CRTAC1: variants seen among roughly 807,000 people sequenced by gnomAD.
CRTAC1 encodes acidic secreted protein in cartilage.
In CRTAC1, 37 loss-of-function variants were observed where a neutral mutation model predicts 67.8. The observed-to-expected ratio is 0.55, with a 90% CI of 0.42 to 0.72. The LOEUF (loss-of-function observed/expected upper bound fraction) is 0.72. CRTAC1 is among the 30% of genes least tolerant of loss of function. The probability of loss-of-function intolerance (pLI) is 0.00; values close to 1 mark genes in which losing one functional copy is unlikely to be tolerated. For synonymous variants in CRTAC1, 348 were observed against 371.0 expected (o/e 0.94, Z 0.71); for missense variants, 780 against 931.6 (o/e 0.84, Z 2.12).
At chr10:97,910,803 G>A (rs922793782) in intron 5 of CRTAC1, among the ~76,000 whole-genome samples, 1 of 152,268 alleles carries the variant, frequency 6.6e-6, no homozygotes, top group Admixed American at 6.5e-5. Flanking sequence ...TGGGGCGATG[G>A]CACTGCCACT....
At chr10:98,013,605 T>C (rs917012980) in intron 1 of CRTAC1, among the ~76,000 whole-genome samples, 1 of 152,208 alleles carries the variant, frequency 6.6e-6, no homozygotes, top group Non-Finnish European at 1.5e-5. Context: ...GGGTCTCAGC[T>C]TTCTTCTCCA....
intron 2 of CRTAC1, among the ~76,000 whole-genome samples, chr10:98,010,361 A>G (rs761057247): frequency 3.9e-5 from 6 of 152,222 alleles, no homozygotes; most frequent in African/African-American, 7.2e-5. Flanking sequence ...ATAATTATCA[A>G]TGGTGATTGG....
intron 2 of CRTAC1, among the ~76,000 whole-genome samples, chr10:97,990,254 C>G (rs548134252): frequency 1.3e-5 from 2 of 152,186 alleles, no homozygotes; most frequent in Non-Finnish European, 2.9e-5. Flanking sequence ...TTACTCCTAC[C>G]TGCTTGGCTT....
chr10:97,886,849 T>C (rs535810470), intron 11 of CRTAC1, among the ~76,000 whole-genome samples: 1 of 152,192 alleles, frequency 6.6e-6, no homozygotes, highest in African/African-American at 2.4e-5. Context: ...TTCGCCATGC[T>C]GGCCAGGCTG....
chr10:97,893,858 T>C (rs375107475), intron 11 of CRTAC1, among the ~76,000 whole-genome samples: 1 of 152,222 alleles, frequency 6.6e-6, no homozygotes, highest in African/African-American at 2.4e-5. Context: ...ACGTGACTTT[T>C]GGAGATGAGC....
At position 97,975,038 on chromosome 10, in the gene CRTAC1, C is replaced by T. The variant is rs1590254562; in HGVS notation, c.224+36100G>A. ...CCGCGGGAGGAGGCCGGAGCGCGGGCAGGGACTGGCGCGGGATCGATTCCC... is the reference window on the plus strand; with the variant it reads ...CCGCGGGAGGAGGCCGGAGCGCGGGTAGGGACTGGCGCGGGATCGATTCCC... On this transcript the variant is annotated intron_variant, in intron 2 of 14. Coordinates refer to ENST00000370597, the MANE Select transcript of CRTAC1 (RefSeq NM_018058.7). This position sits in a 1 kb window ranked among gnomAD's most constrained non-coding sequence, Gnocchi z 4.8. Among the ~76,000 whole-genome samples, 2 of 152,056 alleles carry T rather than the reference C, an allele frequency of 1.3e-5. No homozygotes were observed. Among genetic ancestry groups the T allele is most frequent in the South Asian group, 4.2e-4 (2 of 4,808 alleles).
Position 97,975,234 on chromosome 10 carries a change from C to T in CRTAC1, c.224+35904G>A, listed in dbSNP as rs1035171008. ...TAACACAAAATGCTCTTGGCTCAAT[C>T]CCAGGTCGCAGAGGGACCCGGGGCC... On this transcript the variant is annotated intron_variant, in intron 2 of 14. Transcript: ENST00000370597. This position sits in a 1 kb window ranked among gnomAD's most constrained non-coding sequence, Gnocchi z 4.8. 3.3e-5 allele frequency among the ~76,000 whole-genome samples: 5 copies of T among 152,112 alleles called. No homozygotes were observed. Among genetic ancestry groups the T allele is most frequent in the Non-Finnish European group, 7.4e-5 (5 of 68,010 alleles).
chr10:97,966,136 T>C (rs1258320701), intron 2 of CRTAC1, among the ~76,000 whole-genome samples: 50 of 152,246 alleles, frequency 3.3e-4, no homozygotes, highest in Non-Finnish European at 2.9e-5. Flanking sequence ...TTGAGTGCAG[T>C]GGCATGATCT....
chr10:97,876,341 AT>A (rs144689545), intron 14 of CRTAC1, among the ~76,000 whole-genome samples: 94 of 152,322 alleles, frequency 6.2e-4, no homozygotes, highest in African/African-American at 1.8e-3. Context: ...CGAGTTGATT[AT>A]TGTAAAGAGT....
At chr10:97,883,140 C>A (rs534917960) in intron 12 of CRTAC1, among the ~76,000 whole-genome samples, 13 of 152,356 alleles carry the variant, frequency 8.5e-5, no homozygotes, top group Non-Finnish European at 1.8e-4. Flanking sequence ...GAGGCTGGGT[C>A]TGTCAGGGCA....
rs1040366227 is a variant in CRTAC1 at position 97,884,294 on chromosome 10, C to T, written c.1544G>A (p.Arg515Gln). Residue 515 changes from arginine to glutamine, a missense_variant, in exon 12 of 15, where the codon CGG becomes CAG. Physicochemically the swap from Arg to Gln is conservative, Grantham distance 43. Coordinates refer to ENST00000370597, the MANE Select transcript of CRTAC1 (RefSeq NM_018058.7). ...VTWPDGKMVS[R>Q]NVASGEMNSV... ...GTTCATCTCCCCGCTGGCCACGTTCCGGCTCACCATCTTGCCATCTGGCCA... is the reference window on the plus strand; with the variant it reads ...GTTCATCTCCCCGCTGGCCACGTTCTGGCTCACCATCTTGCCATCTGGCCA... 4.1e-5 allele frequency: 64 copies of T among 1,554,838 alleles called. No homozygotes were observed. Among genetic ancestry groups the T allele is most frequent in the Middle Eastern group, 3.6e-4 (2 of 5,562 alleles).
chr10:97,878,157 A>G (rs2050168488), intron 14 of CRTAC1, among the ~76,000 whole-genome samples: 1 of 152,180 alleles, frequency 6.6e-6, no homozygotes. Flanking sequence ...TGGCCTGGGG[A>G]GCAGTGGGCT....
Position 98,029,500 on chromosome 10 carries a change from G to GGCGGCGGCGGCGGCGGCGGCA in CRTAC1, c.24+948_24+949insTGCCGCCGCCGCCGCCGCCGC, listed in dbSNP as rs1843317377. Reference sequence around the variant, plus strand: ...ACCCACCAGCAGCAGCAGCGGCGGCGGCGGCGGCGGCGGCGGCGGCGGCGG... The same window carrying GGCGGCGGCGGCGGCGGCGGCA: ...ACCCACCAGCAGCAGCAGCGGCGGCGGCGGCGGCGGCGGCGGCGGCAGCGGCGGCGGCGGCGGCGGCGGCGG... On this transcript the variant is annotated intron_variant, in intron 1 of 14. Transcript: ENST00000370597. This position sits in a 1 kb window ranked among gnomAD's most constrained non-coding sequence, Gnocchi z 4.7. Among the ~76,000 whole-genome samples, 1 of 140,256 alleles carries GGCGGCGGCGGCGGCGGCGGCA rather than the reference G, an allele frequency of 7.1e-6. No individual in the cohort carries two copies. The highest frequency in any genetic ancestry group is 3.1e-5 in the African/African-American group (1 of 32,394). 92.0% of individuals were successfully genotyped at this position (140,256 alleles called of 152,430 possible).
rs1341125290 is a variant in CRTAC1 at position 97,975,842 on chromosome 10, C to A, written c.224+35296G>T. ...CACACTCGGTGAGCGTGCTCCTGGGCCCCCAATGAGGAGCTAGCTCCCGGC... is the reference window on the plus strand; with the variant it reads ...CACACTCGGTGAGCGTGCTCCTGGGACCCCAATGAGGAGCTAGCTCCCGGC... On this transcript the variant is annotated intron_variant, in intron 2 of 14. Coordinates refer to ENST00000370597, the MANE Select transcript of CRTAC1 (RefSeq NM_018058.7). The surrounding 1 kb of genome is among the most constrained non-coding windows in gnomAD (Gnocchi z 4.8). Among the ~76,000 whole-genome samples, 1 of 152,176 alleles carries A rather than the reference C, an allele frequency of 6.6e-6. No homozygotes were observed. The highest frequency in any genetic ancestry group is 1.5e-5 in the Non-Finnish European group (1 of 68,024).
intron 8 of CRTAC1, among the ~76,000 whole-genome samples, 158 bp from the exon 9 acceptor site, chr10:97,897,149 G>A (rs1030263001): frequency 6.6e-6 from 1 of 152,182 alleles, no homozygotes; most frequent in Admixed American, 6.5e-5. Flanking sequence ...CCCAGGCCCT[G>A]CCTATACTCT....
chr10:97,952,853 G>A (rs932142991), intron 2 of CRTAC1, among the ~76,000 whole-genome samples: 5 of 152,120 alleles, frequency 3.3e-5, no homozygotes, highest in Non-Finnish European at 5.9e-5. Context: ...ATACCTAGAA[G>A]GACTATATTA....
At chr10:97,904,566 C>T (rs548012158) in intron 7 of CRTAC1, 103 bp downstream of exon 7, 29 of 1,128,418 alleles carry the variant, frequency 2.6e-5, no homozygotes, top group African/African-American at 1.4e-4. Flanking sequence ...ATTATAGGCA[C>T]GCACCACCAC....
intron 2 of CRTAC1, among the ~76,000 whole-genome samples, chr10:97,998,583 T>A (rs1463064454): frequency 6.6e-6 from 1 of 152,294 alleles, no homozygotes; most frequent in Admixed American, 6.5e-5. Context: ...AGTAGAGATA[T>A]TTTTAGATTA....
At chr10:97,938,569 T>TGCTGC (rs2051124849) in intron 2 of CRTAC1, among the ~76,000 whole-genome samples, 1 of 152,204 alleles carries the variant, frequency 6.6e-6, no homozygotes. Context: ...GTTCTTTCCG[T>TGCTGC]GCTGCCTATG....
Sources: allele counts gnomAD v4.1 joint callset (sites outside exome capture counted in the v4.1 genomes callset), GRCh38; gene constraint gnomAD v4.1.1; non-coding constraint Gnocchi (gnomAD v3.1); transcripts MANE v1.5; gene names NCBI Gene and HGNC (gene_info 2026-07-23, HGNC 2026-07-21).